The following ZNF521 variants were observed in gnomAD, a reference collection of about 807,000 sequenced individuals.
ZNF521 encodes the protein zinc finger protein 521, also known as LYST-interacting protein 3.
A neutral mutation model predicts 105.5 loss-of-function variants in ZNF521; 14 were observed. That is an observed-to-expected ratio of 0.13 (90% CI 0.09 to 0.21). The LOEUF (loss-of-function observed/expected upper bound fraction) is 0.21, where lower values mean the gene tolerates loss of function less well. Ranked by LOEUF, ZNF521 falls within the 10% of genes least tolerant of loss-of-function variation. The pLI, the probability that ZNF521 is intolerant of heterozygous loss-of-function variation, is 1.00. For missense variants in ZNF521, 1,233 were observed against 1,629.7 expected, an observed-to-expected ratio of 0.76 and a Z score of 4.19; for synonymous variants, 635 against 606.0, an observed-to-expected ratio of 1.05 and a Z score of -0.70.
chr18:25,344,008 G>C (rs1914347950), intron 2 of ZNF521, among the ~76,000 whole-genome samples: 1 of 151,906 alleles, frequency 6.6e-6, no homozygotes, highest in Admixed American at 6.6e-5. Context: ...GCTGTGGCAG[G>C]GTCCCCAGGC....
chr18:25,324,456 T>C (rs959094119), intron 2 of ZNF521, among the ~76,000 whole-genome samples: 5 of 150,318 alleles, frequency 3.3e-5, no homozygotes, highest in Middle Eastern at 3.4e-3. Flanking sequence ...AACCAAGTGA[T>C]GAAACACTGC....
chr18:25,188,633 T>C (rs1251530473), intron 5 of ZNF521, among the ~76,000 whole-genome samples: 1 of 152,174 alleles, frequency 6.6e-6, no homozygotes, highest in East Asian at 1.9e-4. Context: ...GAAAAACCGA[T>C]ACATTAGTGA....
chr18:25,258,922 G>A (rs1426670052), intron 3 of ZNF521, among the ~76,000 whole-genome samples: 1 of 152,182 alleles, frequency 6.6e-6, no homozygotes, highest in African/African-American at 2.4e-5. Flanking sequence ...CATCTATTGA[G>A]TAATGACAAT....
intron 5 of ZNF521, among the ~76,000 whole-genome samples, chr18:25,103,894 C>T (rs2034020098): frequency 6.6e-6 from 1 of 151,978 alleles, no homozygotes; most frequent in African/African-American, 2.4e-5. Flanking sequence ...TTTCTCATTT[C>T]TACTTAGTTA....
At chr18:25,115,558 C>CT (rs2034285654) in intron 5 of ZNF521, among the ~76,000 whole-genome samples, 1 of 151,908 alleles carries the variant, frequency 6.6e-6, no homozygotes, top group South Asian at 2.1e-4. Context: ...ATAGTAAAGA[C>CT]TCTCTAAATA....
chr18:25,083,104 G>A (rs867747803), intron 7 of ZNF521, among the ~76,000 whole-genome samples: 5 of 152,022 alleles, frequency 3.3e-5, no homozygotes, highest in Admixed American at 2.6e-4. Context: ...AAATAAAACC[G>A]TTTGTCTTAG....
intron 5 of ZNF521, among the ~76,000 whole-genome samples, chr18:25,099,734 A>T (rs2033927976): frequency 6.6e-6 from 1 of 152,190 alleles, no homozygotes; most frequent in African/African-American, 2.4e-5. Flanking sequence ...TCTTTGTTTA[A>T]AATTTCTCTT....
intron 3 of ZNF521, among the ~76,000 whole-genome samples, chr18:25,320,457 C>T (rs778234639): frequency 1.3e-5 from 2 of 152,236 alleles, no homozygotes; most frequent in South Asian, 2.1e-4. Flanking sequence ...AGGTGTGAGC[C>T]ACCGCGCCTG....
intron 5 of ZNF521, among the ~76,000 whole-genome samples, chr18:25,152,539 C>T (rs2035068646): frequency 1.3e-5 from 2 of 151,000 alleles, no homozygotes. Flanking sequence ...ATCTCTAAAA[C>T]TAAATGCCCC....
At chr18:25,345,105 C>A (rs1914404576) in intron 2 of ZNF521, 1 of 152,178 alleles carries the variant, frequency 6.6e-6, no homozygotes, top group Admixed American at 6.5e-5. Flanking sequence ...ATTTACCAGA[C>A]TAACGAGCCC....
chr18:25,216,479 T>C (rs1378051400), intron 4 of ZNF521, among the ~76,000 whole-genome samples: 1 of 152,220 alleles, frequency 6.6e-6, no homozygotes, highest in African/African-American at 2.4e-5. Context: ...ACTTACACTG[T>C]ATTCATTTAT....
In ZNF521 at chr18:25,224,525, G is replaced by A. The variant is rs747752178; in HGVS notation, c.3393C>T (p.Gly1131=). 6.2e-7 allele frequency: 1 copy of A among 1,613,980 alleles called. No homozygotes were observed. The highest frequency in any genetic ancestry group is 8.5e-7 in the Non-Finnish European group (1 of 1,179,992). ...NENLSAIEGK[G]KVGGLKTRCS... is the part of the protein sequence containing the mutation. ...AGCGTGTCTTCAGTCCCCCCACCTT[G>A]CCTTTCCCCTCAATGGCACTCAGAT... Residue 1131 remains glycine, a synonymous_variant, in exon 4 of 8, where the codon GGC becomes GGT. Transcript: ENST00000361524.
At position 25,157,942 on chromosome 18, in the gene ZNF521, C is replaced by T. The variant is rs545026772; in HGVS notation, c.3658+37218G>A. ...AATTTTTTTGTATTTTTAGTAGAGA[C>T]GGGGTTTCACTATGTTGGCCAGGCT... On this transcript the variant is annotated intron_variant, in intron 5 of 7. Transcript: ENST00000361524. 7.9e-5 allele frequency among the ~76,000 whole-genome samples: 12 copies of T among 152,032 alleles called. No individual in the cohort carries two copies. The East Asian group carries it at 1.6e-3, about 20-fold the overall frequency.
At position 25,322,072 on chromosome 18, in the gene ZNF521, G is replaced by A. The variant is rs1451301256; in HGVS notation, c.156C>T (p.Cys52=). ...CGCTCAGCGATTCAAACACCTGGAGGCAGCTGTCACAGCTGTGCACAGCTT... is the reference window on the plus strand; with the variant it reads ...CGCTCAGCGATTCAAACACCTGGAGACAGCTGTCACAGCTGTGCACAGCTT... The part of the protein sequence containing the change: ...EDEAVHSCDS[C]LQVFESLSDI... The change falls in exon 3 of 8, where the codon TGC becomes TGT. Residue 52 remains cysteine (C), a synonymous_variant. Transcript: ENST00000361524. The A allele has an allele frequency of 1.9e-6, 3 of 1,614,118 alleles. No homozygotes were observed. Among genetic ancestry groups the A allele is most frequent in the Non-Finnish European group, 2.5e-6 (3 of 1,179,980 alleles).
At position 25,224,425 on chromosome 18, in the gene ZNF521, C is replaced by G. The variant is rs757573315; in HGVS notation, c.3493G>C (p.Val1165Leu). ...AACTGTGTGCTGTTGCTGTCTGGCA[C>G]GAGCTCTCGGTGGATGGTTTGGATG... ...NHIQTIHREL[V>L]PDSNSTQLKT... Residue 1165 changes from valine (V) to leucine (L), a missense_variant, in exon 4 of 8, where the codon GTG becomes CTG. Val to Leu is a conservative substitution (Grantham distance 32, BLOSUM62 1). Coordinates refer to ENST00000361524, the MANE Select transcript of ZNF521 (RefSeq NM_015461.3). 6.2e-7 allele frequency: 1 copy of G among 1,613,962 alleles called. No individual in the cohort carries two copies. Among genetic ancestry groups the G allele is most frequent in the Non-Finnish European group, 8.5e-7 (1 of 1,179,968 alleles).
chr18:25,208,467 A>G (rs2036121271), intron 4 of ZNF521, among the ~76,000 whole-genome samples: 1 of 152,210 alleles, frequency 6.6e-6, no homozygotes, highest in Non-Finnish European at 1.5e-5. Flanking sequence ...CTCCAGTTTT[A>G]GTAAGTACAG....
intron 3 of ZNF521, among the ~76,000 whole-genome samples, chr18:25,250,001 C>T (rs150240688): frequency 1.5e-3 from 221 of 152,260 alleles, no homozygotes; most frequent in African/African-American, 5.2e-3. Flanking sequence ...TGCTGTGGCG[C>T]AATCTCGGCT....
chr18:25,146,906 G>A (rs1461222415), intron 5 of ZNF521, among the ~76,000 whole-genome samples: 5 of 152,006 alleles, frequency 3.3e-5, no homozygotes, highest in African/African-American at 1.2e-4. Context: ...CTTGATAGCA[G>A]GAGTCACATC....
chr18:25,077,481 C>CTCTACCTTTTTAT (rs1263123913), intron 7 of ZNF521, among the ~76,000 whole-genome samples: 1 of 152,120 alleles, frequency 6.6e-6, no homozygotes, highest in Non-Finnish European at 1.5e-5. Context: ...GCCACATCCG[C>CTCTACCTTTTTAT]GTGCCCCCCA....
Sources: gnomAD v4.1 joint callset for allele counts (sites outside exome capture counted in the v4.1 genomes callset) on GRCh38, gnomAD v4.1.1 for gene constraint, MANE v1.5 for transcripts, NCBI Gene and HGNC (gene_info 2026-07-23, HGNC 2026-07-21) for gene names.